GRIN1: variants seen among roughly 807,000 people sequenced by gnomAD.
GRIN1 encodes glutamate ionotropic receptor NMDA type subunit 1.
In GRIN1, 38 loss-of-function variants were observed where a neutral mutation model predicts 103.0. The ratio of observed to expected loss-of-function variants is 0.37; its 90% CI spans 0.28 to 0.48. The LOEUF (loss-of-function observed/expected upper bound fraction) is 0.48, where lower values mean the gene tolerates loss of function less well. Among genes scored for constraint, GRIN1 ranks in the 20% least tolerant of loss-of-function variants. The pLI, the probability that GRIN1 is intolerant of heterozygous loss-of-function variation, is 0.98. For synonymous variants in GRIN1, 544 were observed against 532.7 expected (o/e 1.02, Z -0.29); for missense variants, 577 against 1,288.9 (o/e 0.45, Z 8.46).
chr9:137,161,938 C>T lies in GRIN1; in HGVS notation c.1482C>T (p.Asn494=). 6.4e-7 allele frequency: 1 copy of T among 1,563,494 alleles called. No homozygotes were observed. The highest frequency in any genetic ancestry group is 1.9e-5 in the Admixed American group (1 of 52,988). The change falls in exon 11 of 20, where the codon AAC becomes AAT. Residue 494 remains asparagine, a synonymous_variant. Coordinates refer to ENST00000371561, the MANE Select transcript of GRIN1 (RefSeq NM_007327.4). ...FGTQERVNNS[N]KKEWNGMMGE... is the part of the protein sequence containing the mutation. ...TCGCCTCGCAGGTGAACAACAGCAA[C>T]AAGAAGGAGTGGAATGGGATGATGG...
At chr9:137,164,300 G>A (rs565278800) in intron 18 of GRIN1, 14 of 325,080 alleles carry the variant, frequency 4.3e-5, no homozygotes, top group East Asian at 4.2e-4. Flanking sequence ...GACACCCTTC[G>A]GAGACCCCCC....
chr9:137,157,935 C>T (rs1293837959), intron 6 of GRIN1, among the ~76,000 whole-genome samples: 1 of 152,232 alleles, frequency 6.6e-6, no homozygotes, highest in African/African-American at 2.4e-5. Flanking sequence ...TGATGTGGCC[C>T]GATGGGTACA....
intron 3 of GRIN1, among the ~76,000 whole-genome samples, chr9:137,148,807 G>A (rs1048468610): frequency 1.3e-5 from 2 of 152,228 alleles, no homozygotes; most frequent in Non-Finnish European, 2.9e-5. Flanking sequence ...CGCGCAGGCT[G>A]AAGACAGGAC....
chr9:137,158,518 A>G lies in GRIN1; in HGVS notation c.1108A>G (p.Thr370Ala), dbSNP rs746527135. The change falls in exon 7 of 20, where the codon ACC (threonine) becomes GCC (alanine). Residue 370 changes from threonine to alanine, a missense_variant. This residue lies in a region of GRIN1 where 308 missense variants were observed against 553.6 expected (regional missense o/e 0.56). Transcript: ENST00000371561. ...GGTGCAAGTGGGCATCTACAATGGC[A>G]CCCACGTAGGTGGGGGTCATGAGGG... ...KLVQVGIYNG[T>A]HVIPNDRKII... is the part of the protein sequence containing the mutation. The G allele has an allele frequency of 4.3e-6, 7 of 1,611,974 alleles. No individual in the cohort carries two copies. Among genetic ancestry groups the G allele is most frequent in the Non-Finnish European group, 5.9e-6 (7 of 1,179,582 alleles).
At chr9:137,145,628 G>C (rs566712728) in intron 2 of GRIN1, 98 bp from the exon 3 acceptor site, 3 of 910,670 alleles carry the variant, frequency 3.3e-6, no homozygotes, top group Admixed American at 2.6e-5. Context: ...GAGGAGGGGG[G>C]TTCCCAGCCT....
chr9:137,160,159 C>G (rs115773829), intron 8 of GRIN1, among the ~76,000 whole-genome samples: 1 of 152,214 alleles, frequency 6.6e-6, no homozygotes, highest in African/African-American at 2.4e-5. Context: ...CACGTACACA[C>G]GGGCAAGAGA....
rs1237285196 is a variant in GRIN1, at chr9:137,146,257, C to T, written c.570+355C>T. Among the ~76,000 whole-genome samples the T allele has an allele frequency of 7.0e-6, 1 of 142,570 alleles. No homozygotes were observed. Among genetic ancestry groups the T allele is most frequent in the Non-Finnish European group, 1.5e-5 (1 of 65,028 alleles). 93.5% of individuals were successfully genotyped at this position (142,570 alleles called of 152,430 possible). ...TCGTCACCCTTCCCGCCCACCCTGT[C>T]CTGAGTCCCCAGCAGCCTCCCTCTG... On this transcript the variant is annotated intron_variant, in intron 3 of 19. Coordinates refer to ENST00000371561, the MANE Select transcript of GRIN1 (RefSeq NM_007327.4). The surrounding 1 kb of genome is among the most constrained non-coding windows in gnomAD (Gnocchi z 6.7).
Position 137,168,176 on chromosome 9 carries a change from T to G in GRIN1, c.*649T>G. On this transcript the variant is annotated 3_prime_UTR_variant, in exon 20 of 20. Transcript: ENST00000371561. ...TGGAGCAGAGACGGCAGCCCCATCC[T>G]TCCCGCAGCACCAGCCTGAGCCACA... 1.2e-5 allele frequency: 5 copies of G among 423,398 alleles called. No homozygotes were observed. Among genetic ancestry groups the G allele is most frequent in the African/African-American group, 4.3e-5 (2 of 46,640 alleles). 26.2% of individuals were successfully genotyped at this position (423,398 alleles called of 1,614,324 possible).
Position 137,168,277 on chromosome 9 carries a change from C to T in GRIN1, c.*750C>T. The T allele has an allele frequency of 4.3e-6, 1 of 231,326 alleles. No individual in the cohort carries two copies. The allele number at this position is 231,326 out of a possible 1,614,324, so 14.3% of individuals were successfully genotyped here. A position where few individuals can be genotyped will look rare whatever the true frequency, so the allele number is the denominator to read the frequency against. On this transcript the variant is annotated 3_prime_UTR_variant, in exon 20 of 20. Transcript: ENST00000371561. The stretch of plus-strand genomic sequence containing the variant: ...GCTCCTCTGCAGCCTGAGCTCCACC[C>T]TCCCCTCTTCTTGCGGCACCGCCCA...
At chr9:137,149,184 C>T (rs1832705902) in intron 4 of GRIN1, 75 bp downstream of exon 4, 3 of 1,036,848 alleles carry the variant, frequency 2.9e-6, no homozygotes, top group Non-Finnish European at 4.4e-6. Context: ...TGAGCCAGAG[C>T]TGGGACATTG....
In GRIN1 at chr9:137,139,922, G is replaced by T. The variant is rs1180818726; in HGVS notation, c.258+178G>T. 6.6e-6 allele frequency among the ~76,000 whole-genome samples: 1 copy of T among 152,182 alleles called. No homozygotes were observed. The highest frequency in any genetic ancestry group is 1.5e-5 in the Non-Finnish European group (1 of 68,028). On this transcript the variant is annotated intron_variant, in intron 1 of 19. Transcript: ENST00000371561. The surrounding 1 kb of genome is among the most constrained non-coding windows in gnomAD (Gnocchi z 7.7). Reference sequence around the variant, plus strand: ...AGGAACCAAACACCAGGGTCTGCTGGCTCCCCTATCTTGGCCTGAGACCAG... The same window carrying T: ...AGGAACCAAACACCAGGGTCTGCTGTCTCCCCTATCTTGGCCTGAGACCAG...
At chr9:137,148,449 G>A (rs1381428375) in intron 3 of GRIN1, among the ~76,000 whole-genome samples, 1 of 152,214 alleles carries the variant, frequency 6.6e-6, no homozygotes, top group Non-Finnish European at 1.5e-5. Context: ...CGCGGCTGCA[G>A]GAGGAGCTGC....
Position 137,158,641 on chromosome 9 carries a change from G to A in GRIN1, c.1134G>A (p.Lys378=), listed in dbSNP as rs200858974. The A allele has an allele frequency of 2.0e-5, 33 of 1,612,772 alleles. No individual in the cohort carries two copies. Among genetic ancestry groups the A allele is most frequent in the Non-Finnish European group, 2.7e-5 (32 of 1,179,966 alleles). ...CCCAGGTCATCCCTAATGACAGGAA[G>A]ATCATCTGGCCAGGCGGAGAGACAG... ...NGTHVIPNDR[K]IIWPGGETEK... The change falls in exon 8 of 20, where the codon AAG becomes AAA. Residue 378 remains lysine (K), a synonymous_variant. Coordinates refer to ENST00000371561, the MANE Select transcript of GRIN1 (RefSeq NM_007327.4).
Position 137,145,920 on chromosome 9 carries a change from G to A in GRIN1, c.570+18G>A, listed in dbSNP as rs200220418. 72 of 1,574,518 alleles carry A rather than the reference G, an allele frequency of 4.6e-5. No individual in the cohort carries two copies. Among genetic ancestry groups the A allele is most frequent in the East Asian group, 6.9e-5 (3 of 43,176 alleles). On this transcript the variant is annotated intron_variant, in intron 3 of 19. Transcript: ENST00000371561. ...AGTCCAAGGTGAGGGTCGGCGCCGCGGGTGGGCGCCTGGCGGAGCCGAGGT... is the reference window on the plus strand; with the variant it reads ...AGTCCAAGGTGAGGGTCGGCGCCGCAGGTGGGCGCCTGGCGGAGCCGAGGT...
At chr9:137,155,056 A>C (rs1405468866) in intron 4 of GRIN1, among the ~76,000 whole-genome samples, 1 of 152,216 alleles carries the variant, frequency 6.6e-6, no homozygotes, top group African/African-American at 2.4e-5. Flanking sequence ...CATGCAGATA[A>C]TTTGTTTCCA....
At chr9:137,167,262 T>G in intron 19 of GRIN1, 149 bp from the exon 20 acceptor site, 1 of 663,012 alleles carries the variant, frequency 1.5e-6, no homozygotes, top group Non-Finnish European at 2.7e-6. Flanking sequence ...GGGGGGCTCC[T>G]TTGGGTAGGG....
intron 18 of GRIN1, chr9:137,164,880 C>T (rs953829795): frequency 4.8e-6 from 2 of 419,914 alleles, no homozygotes; most frequent in Non-Finnish European, 4.5e-6. Context: ...AGGACTCCTC[C>T]TCCTCGGGAC....
At chr9:137,163,403 C>T (rs1035294682) in intron 16 of GRIN1, 73 bp downstream of exon 16, 2 of 1,551,204 alleles carry the variant, frequency 1.3e-6, no homozygotes, top group East Asian at 2.2e-5. Flanking sequence ...CAGTGCCAGA[C>T]CACTCCGAGG....
At chr9:137,147,449 C>A (rs1832608815) in intron 3 of GRIN1, among the ~76,000 whole-genome samples, 1 of 151,944 alleles carries the variant, frequency 6.6e-6, no homozygotes, top group South Asian at 2.1e-4. Flanking sequence ...TGCACACATG[C>A]ACACGCACAC....
Sources: gnomAD v4.1 joint callset for allele counts (sites outside exome capture counted in the v4.1 genomes callset) on GRCh38, gnomAD v4.1.1 for gene constraint, gnomAD v4.1.1 regional missense constraint, Gnocchi (gnomAD v3.1) non-coding constraint, MANE v1.5 for transcripts, NCBI Gene and HGNC (gene_info 2026-07-23, HGNC 2026-07-21) for gene names.